Variants in FAM193A observed in about 807,000 individuals in gnomAD.
FAM193A encodes the protein family with sequence similarity 193 member A, also known as protein FAM193A.
In FAM193A, 22 loss-of-function variants were observed where a neutral mutation model predicts 126.5. The observed-to-expected ratio is 0.17, with a 90% CI of 0.12 to 0.25. FAM193A has a LOEUF of 0.25. Ranked by LOEUF, FAM193A falls within the 10% of genes least tolerant of loss-of-function variation. The pLI is 1.00. For synonymous variants in FAM193A, 761 were observed against 646.8 expected (o/e 1.18, Z -2.68); for missense variants, 1,675 against 1,672.8 (o/e 1.00, Z -0.02).
chr4:2,631,043 C>T lies in FAM193A; in HGVS notation c.912C>T (p.Ala304=). ...VRLLRQLSAA[A]KVKAPSGLQG... ...TGCTCCGGCAGCTGTCGGCTGCGGCCAAGGTGAAGGCACCATCTGGCCTGC... is the reference window on the plus strand; with the variant it reads ...TGCTCCGGCAGCTGTCGGCTGCGGCTAAGGTGAAGGCACCATCTGGCCTGC... The change falls in exon 5 of 21, where the codon GCC becomes GCT. Residue 304 remains alanine (A), a synonymous_variant. Transcript: ENST00000637812. 1.2e-6 allele frequency: 2 copies of T among 1,613,518 alleles called. No individual in the cohort carries two copies. Among genetic ancestry groups the T allele is most frequent in the Non-Finnish European group, 8.5e-7 (1 of 1,180,000 alleles).
intron 2 of FAM193A, among the ~76,000 whole-genome samples, chr4:2,609,444 C>CTGTTTTCAA (rs751704260): frequency 2.0e-5 from 3 of 152,056 alleles, no homozygotes; most frequent in Non-Finnish European, 4.4e-5. Context: ...ATCTATTTTT[C>CTGTTTTCAA]TGTTTTCAAG....
At chr4:2,559,976 G>A (rs1245526251) in intron 1 of FAM193A, among the ~76,000 whole-genome samples, 1 of 141,558 alleles carries the variant, frequency 7.1e-6, no homozygotes, top group African/African-American at 2.7e-5. Context: ...TTTTTTTTTT[G>A]AGATGGAGTT....
intron 1 of FAM193A, among the ~76,000 whole-genome samples, chr4:2,559,097 T>C (rs573668766): frequency 6.6e-6 from 1 of 152,364 alleles, no homozygotes; most frequent in South Asian, 2.1e-4. Context: ...TTTGGATCAA[T>C]GATTTCAATT....
At chr4:2,637,939 C>T (rs1744248867) in intron 5 of FAM193A, among the ~76,000 whole-genome samples, 1 of 152,240 alleles carries the variant, frequency 6.6e-6, no homozygotes, top group South Asian at 2.1e-4. Context: ...TTGCATGCCT[C>T]ACCTAGAGGT....
intron 5 of FAM193A, among the ~76,000 whole-genome samples, chr4:2,633,823 G>T (rs1248009657): frequency 1.3e-5 from 2 of 152,168 alleles, no homozygotes; most frequent in East Asian, 3.9e-4. Context: ...AACCTGGGAG[G>T]TGGAGGTTGC....
intron 1 of FAM193A, among the ~76,000 whole-genome samples, chr4:2,588,641 C>T (rs1379485189): frequency 6.6e-6 from 1 of 152,152 alleles, no homozygotes; most frequent in African/African-American, 2.4e-5. Flanking sequence ...TTTTGAGATG[C>T]TACCTACCTA....
At chr4:2,568,197 A>G (rs1404174382) in intron 1 of FAM193A, among the ~76,000 whole-genome samples, 1 of 152,230 alleles carries the variant, frequency 6.6e-6, no homozygotes, top group Admixed American at 6.5e-5. Flanking sequence ...TTTAAAAAAT[A>G]TGATGTTAGC....
intron 1 of FAM193A, among the ~76,000 whole-genome samples, chr4:2,565,765 A>G (rs901341749): frequency 3.3e-5 from 5 of 152,206 alleles, no homozygotes; most frequent in Non-Finnish European, 7.3e-5. Context: ...AGAGTAGTAC[A>G]TCTTCACAAT....
intron 2 of FAM193A, among the ~76,000 whole-genome samples, chr4:2,608,986 G>T (rs898193224): frequency 6.6e-6 from 1 of 151,436 alleles, no homozygotes; most frequent in African/African-American, 2.4e-5. Flanking sequence ...TGCCTCCCGG[G>T]TTCACGCCAT....
At chr4:2,698,114 T>C (rs1717249778) in intron 18 of FAM193A, among the ~76,000 whole-genome samples, 1 of 152,186 alleles carries the variant, frequency 6.6e-6, no homozygotes, top group Non-Finnish European at 1.5e-5. Context: ...CACAGATGTG[T>C]GTTGAGGCTC....
intron 2 of FAM193A, among the ~76,000 whole-genome samples, chr4:2,605,327 C>A (rs779689067): frequency 6.6e-6 from 1 of 152,170 alleles, no homozygotes; most frequent in Non-Finnish European, 1.5e-5. Flanking sequence ...AGTTATATCA[C>A]CTAAGCATCT....
chr4:2,631,115 G>A lies in FAM193A; in HGVS notation c.984G>A (p.Glu328=). ...AGTTCATCTCCCTCCTGCTTGAGGA[G>A]TACGGCGCCCTCTGCCAGGCCGCAC... is the stretch of plus-strand genomic sequence containing the variant. The part of the protein sequence containing the change: ...AHQFISLLLE[E]YGALCQAARS... Residue 328 remains glutamate (E), a synonymous_variant, in exon 5 of 21, where the codon GAG becomes GAA. Coordinates refer to ENST00000637812, the MANE Select transcript of FAM193A (RefSeq NM_001366318.2). 6.2e-7 allele frequency: 1 copy of A among 1,613,750 alleles called. No homozygotes were observed. Among genetic ancestry groups the A allele is most frequent in the Non-Finnish European group, 8.5e-7 (1 of 1,179,906 alleles).
At chr4:2,565,278 A>AG (rs1440295295) in intron 1 of FAM193A, among the ~76,000 whole-genome samples, 1 of 1,788 alleles carries the variant, frequency 5.6e-4, no homozygotes, top group Admixed American at 6.0e-3. Context: ...TTTTTTTTTA[A>AG]AAGATGCAGT....
At chr4:2,560,757 G>A (rs1268659503) in intron 1 of FAM193A, among the ~76,000 whole-genome samples, 3 of 152,082 alleles carry the variant, frequency 2.0e-5, no homozygotes, top group Admixed American at 2.0e-4. Flanking sequence ...CTTCTGTTGG[G>A]TTATTTTCCT....
intron 1 of FAM193A, among the ~76,000 whole-genome samples, chr4:2,557,225 T>A (rs1354183366): frequency 6.6e-6 from 1 of 152,152 alleles, no homozygotes; most frequent in African/African-American, 2.4e-5. Context: ...CAGAATATCT[T>A]ATTATACTGT....
At chr4:2,665,215 C>T (rs1712974294) in intron 12 of FAM193A, among the ~76,000 whole-genome samples, 1 of 152,106 alleles carries the variant, frequency 6.6e-6, no homozygotes, top group Non-Finnish European at 1.5e-5. Context: ...TATGTGTTTT[C>T]ATTCACAGTA....
intron 13 of FAM193A, among the ~76,000 whole-genome samples, chr4:2,677,527 T>C (rs1398657475): frequency 7.9e-5 from 12 of 151,626 alleles, no homozygotes. Flanking sequence ...GATCACGAGG[T>C]CAGGAGATCG....
Position 2,642,795 on chromosome 4 carries a change from A to G in FAM193A, c.1163+2936A>G, listed in dbSNP as rs144123933. 4.3e-3 allele frequency among the ~76,000 whole-genome samples: 621 copies of G among 145,120 alleles called. 1 individual carries two copies. The highest frequency in any genetic ancestry group is 6.9e-3 in the Non-Finnish European group (461 of 67,126). ...TCGCCCAGGCTGGAGTGCAGTGGTG[A>G]GATCTTGGCTCACTGCAAGCTCTGC... is the stretch of plus-strand genomic sequence containing the variant. On this transcript the variant is annotated intron_variant, in intron 6 of 20. Transcript: ENST00000637812.
intron 1 of FAM193A, among the ~76,000 whole-genome samples, chr4:2,593,712 G>A (rs1266834223): frequency 6.6e-6 from 1 of 152,088 alleles, no homozygotes; most frequent in African/African-American, 2.4e-5. Context: ...TTTAGGCTTG[G>A]GGACCTTTGG....
Sources: allele counts gnomAD v4.1 joint callset (sites outside exome capture counted in the v4.1 genomes callset), GRCh38; gene constraint gnomAD v4.1.1; transcripts MANE v1.5; gene names NCBI Gene and HGNC (gene_info 2026-07-23, HGNC 2026-07-21).